The following ZNF536 variants were observed in gnomAD, a reference collection of about 807,000 sequenced individuals.
The protein encoded by ZNF536 is zinc finger protein 536.
A neutral mutation model predicts 84.5 loss-of-function variants in ZNF536; 13 were observed. The ratio of observed to expected loss-of-function variants is 0.15; its 90% CI spans 0.10 to 0.24. The LOEUF is 0.24. ZNF536 is among the 10% of genes least tolerant of loss of function. The pLI is 1.00. For missense variants in ZNF536, 1,536 were observed against 1,747.5 expected (o/e 0.88, Z 2.16); for synonymous variants, 811 against 742.5 (o/e 1.09, Z -1.50).
intron 1 of ZNF536, among the ~76,000 whole-genome samples, chr19:30,636,067 T>C (rs1218863908): frequency 6.6e-6 from 1 of 152,150 alleles, no homozygotes; most frequent in Non-Finnish European, 1.5e-5. Flanking sequence ...CCAAAGGATG[T>C]TTTCTCTCCC....
intron 1 of ZNF536, among the ~76,000 whole-genome samples, chr19:30,642,325 T>C (rs1392010688): frequency 6.6e-6 from 1 of 152,186 alleles, no homozygotes; most frequent in East Asian, 1.9e-4. Flanking sequence ...TGGGGCCCAT[T>C]TCAACCAGGG....
chr19:30,280,036 C>T (rs964637013), intron 1 of ZNF536, among the ~76,000 whole-genome samples: 2 of 152,182 alleles, frequency 1.3e-5, no homozygotes, highest in Non-Finnish European at 2.9e-5. Flanking sequence ...CACTCCACCT[C>T]CCGCAGGAGA....
At chr19:30,511,233 T>C (rs1420800428) in intron 2 of ZNF536, among the ~76,000 whole-genome samples, 3 of 152,174 alleles carry the variant, frequency 2.0e-5, no homozygotes, top group African/African-American at 7.2e-5. Context: ...GCTCAAGAAC[T>C]CTTTTCTCTG....
At chr19:30,329,968 T>C (rs2047156915) in intron 2 of ZNF536, among the ~76,000 whole-genome samples, 1 of 152,194 alleles carries the variant, frequency 6.6e-6, no homozygotes, top group Non-Finnish European at 1.5e-5. Flanking sequence ...CAAAGTAATA[T>C]GGTTTAGGTG....
chr19:30,375,863 GTA>G (rs2048798492), intron 1 of ZNF536, among the ~76,000 whole-genome samples: 2 of 152,290 alleles, frequency 1.3e-5, no homozygotes, highest in Non-Finnish European at 2.9e-5. Context: ...GTGTGTGTGT[GTA>G]GGCGCGTGTG....
chr19:30,406,503 A>G (rs2147610170), intron 1 of ZNF536, among the ~76,000 whole-genome samples: 1 of 152,296 alleles, frequency 6.6e-6, no homozygotes, highest in African/African-American at 2.4e-5. Context: ...CTGTTGGGGA[A>G]GGATACATTG....
intron 1 of ZNF536, among the ~76,000 whole-genome samples, chr19:30,277,863 A>G (rs1033819501): frequency 2.0e-5 from 3 of 152,212 alleles, no homozygotes; most frequent in African/African-American, 7.2e-5. Context: ...GGCAGAAGTT[A>G]GCAGAGGGTG....
At chr19:30,283,212 C>A (rs1411463070) in intron 1 of ZNF536, among the ~76,000 whole-genome samples, 1 of 152,196 alleles carries the variant, frequency 6.6e-6, no homozygotes, top group Non-Finnish European at 1.5e-5. Context: ...ATTAAGGGAA[C>A]TTATGTTTGC....
intron 1 of ZNF536, among the ~76,000 whole-genome samples, chr19:30,683,132 C>T (rs985631209): frequency 6.6e-6 from 1 of 152,174 alleles, no homozygotes; most frequent in Non-Finnish European, 1.5e-5. Flanking sequence ...GTGCCTCCGG[C>T]TGCCCTCTAG....
At chr19:30,618,146 T>C (rs887149567) in intron 1 of ZNF536, among the ~76,000 whole-genome samples, 32 of 152,348 alleles carry the variant, frequency 2.1e-4, no homozygotes, top group Middle Eastern at 3.4e-3. Flanking sequence ...TTTGTATTTG[T>C]TTTTGTTTTG....
downstream of ZNF536, among the ~76,000 whole-genome samples, chr19:30,559,769 G>C (rs937218343): frequency 2.6e-5 from 4 of 152,142 alleles, no homozygotes; most frequent in African/African-American, 9.7e-5. Context: ...AGCCTGGAAG[G>C]CTCCCTGGAG....
chr19:30,687,395 A>G (rs540575061), intron 1 of ZNF536, among the ~76,000 whole-genome samples: 68 of 152,330 alleles, frequency 4.5e-4, no homozygotes, highest in Middle Eastern at 3.4e-3. Flanking sequence ...AGGACGGGGC[A>G]TCAAAGGGGC....
rs542170146 is a variant in ZNF536, at chr19:30,270,750, G to T, written c.-189-13322G>T. On this transcript the variant is annotated intron_variant, in intron 1 of 5. Coordinates refer to the ZNF536 transcript ENST00000585628. ...TACATGGTAGCTGGGAAAAATGCAG[G>T]TTTTTTTTTTTTTTTTTTAAAGAAC... Among the ~76,000 whole-genome samples, 3 of 141,676 alleles carry T rather than the reference G, an allele frequency of 2.1e-5. 1 individual carries two copies. In the East Asian group the frequency reaches 6.1e-4, roughly 29 times the overall value. The allele number at this position is 141,676 out of a possible 152,430, so 92.9% of individuals were successfully genotyped here. A position where few individuals can be genotyped will look rare whatever the true frequency, so the allele number is the denominator to read the frequency against.
chr19:30,409,769 A>C (rs962179257), intron 1 of ZNF536, among the ~76,000 whole-genome samples: 2 of 152,216 alleles, frequency 1.3e-5, no homozygotes, highest in African/African-American at 4.8e-5. Context: ...ACAAAGTGGT[A>C]CACCGTACTA....
At chr19:30,287,638 G>A (rs771242067) in intron 2 of ZNF536, among the ~76,000 whole-genome samples, 2 of 117,738 alleles carry the variant, frequency 1.7e-5, no homozygotes, top group Non-Finnish European at 3.6e-5. Context: ...GGATGGGTGG[G>A]TGGATGGATG....
chr19:30,686,787 C>A (rs550694496), intron 1 of ZNF536, among the ~76,000 whole-genome samples: 37 of 152,224 alleles, frequency 2.4e-4, no homozygotes, highest in Middle Eastern at 3.4e-3. Flanking sequence ...GCCCTCCCCC[C>A]ACTCCCCCCA....
intron 2 of ZNF536, among the ~76,000 whole-genome samples, chr19:30,347,713 T>C (rs2047793894): frequency 6.6e-6 from 1 of 152,196 alleles, no homozygotes; most frequent in Non-Finnish European, 1.5e-5. Flanking sequence ...GGTCTCATTG[T>C]CAGAAACACC....
In ZNF536 at chr19:30,348,835, C is replaced by A. The variant is rs143547999; in HGVS notation, c.-119-3533C>A. Among the ~76,000 whole-genome samples, 581 of 146,730 alleles carry A rather than the reference C, an allele frequency of 4.0e-3. 4 individuals are homozygous for A. Among genetic ancestry groups the A allele is most frequent in the African/African-American group, 0.014 (551 of 39,776 alleles). On this transcript the variant is annotated intron_variant, in intron 2 of 5. Transcript: ENST00000585628. ...TTTTCTTTTTTTTTTTTTATTTTCA[C>A]GTGATCCCTGAGAGGCCAGCAGAAT...
intron 1 of ZNF536, among the ~76,000 whole-genome samples, chr19:30,660,518 C>G (rs553903700): frequency 4.6e-5 from 7 of 152,162 alleles, no homozygotes; most frequent in African/African-American, 1.4e-4. Flanking sequence ...CTTCAGGCCC[C>G]AAAATAAATA....
Sources: allele counts gnomAD v4.1 joint callset (sites outside exome capture counted in the v4.1 genomes callset), GRCh38; gene constraint gnomAD v4.1.1; transcripts MANE v1.5; gene names NCBI Gene and HGNC (gene_info 2026-07-23, HGNC 2026-07-21).